Variants in TIAM2 observed in about 807,000 individuals in gnomAD.
The protein encoded by TIAM2 is rho guanine nucleotide exchange factor TIAM2.
Under a neutral mutation model 152.9 loss-of-function variants are expected in TIAM2, and 80 were observed. That is an observed-to-expected ratio of 0.52 (90% CI 0.44 to 0.63). TIAM2 has a LOEUF of 0.63. Among genes scored for constraint, TIAM2 ranks in the 30% least tolerant of loss-of-function variants. The pLI, the probability that TIAM2 is intolerant of heterozygous loss-of-function variation, is 0.00. For synonymous variants in TIAM2, 804 were observed against 838.0 expected, an observed-to-expected ratio of 0.96 and a Z score of 0.70; for missense variants, 1,965 against 2,120.1, an observed-to-expected ratio of 0.93 and a Z score of 1.44.
intron 7 of TIAM2, among the ~76,000 whole-genome samples, chr6:155,160,416 AC>A (rs1405026317): frequency 6.6e-6 from 1 of 152,164 alleles, no homozygotes; most frequent in Non-Finnish European, 1.5e-5. Flanking sequence ...TACTCAGTCT[AC>A]CCATTTAAAT....
chr6:155,152,800 G>T (rs976393335), intron 7 of TIAM2, among the ~76,000 whole-genome samples: 1 of 152,114 alleles, frequency 6.6e-6, no homozygotes. Context: ...CTCCTGGCCT[G>T]TTGTGTGTGT....
intron 9 of TIAM2, among the ~76,000 whole-genome samples, chr6:155,173,566 T>C (rs1406712020): frequency 1.3e-5 from 2 of 152,240 alleles, no homozygotes; most frequent in Admixed American, 1.3e-4. Flanking sequence ...TTGAGTAAGA[T>C]ACTGAAAACG....
chr6:155,218,265 A>G lies in TIAM2; in HGVS notation c.3168+6958A>G, dbSNP rs1781916783. Among the ~76,000 whole-genome samples, 1 of 152,214 alleles carries G rather than the reference A, an allele frequency of 6.6e-6. No homozygotes were observed. The highest frequency in any genetic ancestry group is 2.4e-5 in the African/African-American group (1 of 41,460). Reference sequence around the variant, plus strand: ...GTTATGTGACTAAATTCCTATTTTAATGCACGGAGAGATGGCCTCCTCAAG... The same window carrying G: ...GTTATGTGACTAAATTCCTATTTTAGTGCACGGAGAGATGGCCTCCTCAAG... On this transcript the variant is annotated intron_variant, in intron 15 of 26. Coordinates refer to ENST00000682666, the MANE Select transcript of TIAM2 (RefSeq NM_012454.4). The surrounding 1 kb of genome is among the most constrained non-coding windows in gnomAD (Gnocchi z 4.5).
chr6:155,090,866 A>G (rs1398799252), intron 2 of TIAM2, among the ~76,000 whole-genome samples: 2 of 152,132 alleles, frequency 1.3e-5, no homozygotes, highest in African/African-American at 4.8e-5. Flanking sequence ...GTCAGATTCC[A>G]ACTGTGACCT....
rs1355023789 is a variant in TIAM2 at position 155,029,422 on chromosome 6, TATACTATAGTATATATTATACTATAG to T, written c.-209+33931_-209+33956del. Reference sequence around the variant, plus strand: ...TATAGTATATATAATATATACTATATATACTATAGTATATATTATACTATAGTATATATTATATATAATATATACTA... The same window carrying T: ...TATAGTATATATAATATATACTATATTATATATTATATATAATATATACTA... On this transcript the variant is annotated intron_variant, in intron 1 of 26. Coordinates refer to ENST00000682666, the MANE Select transcript of TIAM2 (RefSeq NM_012454.4). Among the ~76,000 whole-genome samples, 4 of 77,414 alleles carry T rather than the reference TATACTATAGTATATATTATACTATAG, an allele frequency of 5.2e-5. 1 individual carries two copies. Among genetic ancestry groups the T allele is most frequent in the Admixed American group, 4.7e-4 (2 of 4,282 alleles). The allele number at this position is 77,414 out of a possible 152,430, so 50.8% of individuals were successfully genotyped here. A position where few individuals can be genotyped will look rare whatever the true frequency, so the allele number is the denominator to read the frequency against.
chr6:155,039,903 C>T (rs548802879), intron 1 of TIAM2, among the ~76,000 whole-genome samples: 3 of 152,302 alleles, frequency 2.0e-5, no homozygotes, highest in Non-Finnish European at 4.4e-5. Flanking sequence ...AGCTAGGAAG[C>T]GCCTAGGCAC....
intron 2 of TIAM2, among the ~76,000 whole-genome samples, chr6:155,098,017 G>GT (rs1314403055): frequency 2.6e-5 from 4 of 151,972 alleles, no homozygotes; most frequent in Non-Finnish European, 5.9e-5. Flanking sequence ...TGGTGTATGT[G>GT]TTTTTTTGTT....
In TIAM2 at chr6:155,185,123, C is replaced by CTTT. The variant is rs11404301; in HGVS notation, c.3064+1644_3064+1646dup. Reference sequence around the variant, plus strand: ...AAAGTAGAGAAAGGGGCAAATTTACCTTTTTTTTTTTTTTTTTTTTTTTGA... The same window carrying CTTT: ...AAAGTAGAGAAAGGGGCAAATTTACCTTTTTTTTTTTTTTTTTTTTTTTTTTGA... On this transcript the variant is annotated intron_variant, in intron 14 of 26. Coordinates refer to ENST00000682666, the MANE Select transcript of TIAM2 (RefSeq NM_012454.4). Among the ~76,000 whole-genome samples, 515 of 92,304 alleles carry CTTT rather than the reference C, an allele frequency of 5.6e-3. 5 individuals are homozygous for CTTT. Among genetic ancestry groups the CTTT allele is most frequent in the Middle Eastern group, 7.8e-3 (1 of 128 alleles). 60.6% of individuals were successfully genotyped at this position (92,304 alleles called of 152,430 possible).
chr6:155,046,176 C>T (rs536835086), intron 1 of TIAM2, among the ~76,000 whole-genome samples: 4 of 151,986 alleles, frequency 2.6e-5, no homozygotes, highest in Admixed American at 2.6e-4. Context: ...TTTATCTGCC[C>T]TCTCTTTTCT....
intron 1 of TIAM2, among the ~76,000 whole-genome samples, chr6:155,073,493 T>A (rs1028966134): frequency 6.6e-6 from 1 of 152,174 alleles, no homozygotes; most frequent in Admixed American, 6.5e-5. Flanking sequence ...TAGAAGGGCC[T>A]GCGTCCATAG....
intron 14 of TIAM2, among the ~76,000 whole-genome samples, chr6:155,202,767 A>G (rs1191794338): frequency 1.3e-5 from 2 of 151,346 alleles, no homozygotes; most frequent in Admixed American, 6.6e-5. Context: ...GCTGGGTGCC[A>G]TAGCTCACGC....
intron 1 of TIAM2, among the ~76,000 whole-genome samples, chr6:155,029,522 A>ATG (rs1396581516): frequency 7.9e-4 from 59 of 74,494 alleles, no homozygotes; most frequent in Middle Eastern, 0.015. Flanking sequence ...ACTATATATT[A>ATG]TAGTATAGAT....
intron 14 of TIAM2, among the ~76,000 whole-genome samples, chr6:155,195,830 T>G (rs1414185254): frequency 1.3e-5 from 2 of 152,162 alleles, no homozygotes; most frequent in Non-Finnish European, 2.9e-5. Flanking sequence ...GAGGGAACAA[T>G]CACATGTGCC....
intron 2 of TIAM2, among the ~76,000 whole-genome samples, chr6:155,100,373 TG>T (rs1778527641): frequency 6.6e-6 from 1 of 151,968 alleles, no homozygotes; most frequent in South Asian, 2.1e-4. Flanking sequence ...CGGAGAATGG[TG>T]GGGGATCTTT....
At chr6:155,180,932 T>C (rs1562344684) in intron 12 of TIAM2, among the ~76,000 whole-genome samples, 12 of 152,182 alleles carry the variant, frequency 7.9e-5, no homozygotes, top group Admixed American at 7.9e-4. Flanking sequence ...GGTTTTTCCT[T>C]TGAAGCCCTC....
intron 1 of TIAM2, among the ~76,000 whole-genome samples, chr6:155,061,960 G>A (rs1474308144): frequency 1.3e-5 from 2 of 152,194 alleles, no homozygotes; most frequent in African/African-American, 4.8e-5. Flanking sequence ...AAATTCCTTT[G>A]TGTAGTTCCC....
At chr6:155,093,310 G>A (rs1778343753) in intron 2 of TIAM2, among the ~76,000 whole-genome samples, 1 of 152,220 alleles carries the variant, frequency 6.6e-6, no homozygotes, top group African/African-American at 2.4e-5. Flanking sequence ...ATAATCCTGA[G>A]TGTCCTTCTG....
At chr6:155,000,392 G>A (rs1778292495) in intron 1 of TIAM2, among the ~76,000 whole-genome samples, 4 of 152,002 alleles carry the variant, frequency 2.6e-5, no homozygotes, top group Non-Finnish European at 4.4e-5. Flanking sequence ...ATTAGTGGGC[G>A]TGGTGGCACA....
chr6:155,122,662 T>A (rs1465107339), intron 2 of TIAM2, among the ~76,000 whole-genome samples: 1 of 152,160 alleles, frequency 6.6e-6, no homozygotes, highest in Non-Finnish European at 1.5e-5. Flanking sequence ...ACTATACACA[T>A]TCTTGGTGCC....
Sources: gnomAD v4.1 joint callset for allele counts (sites outside exome capture counted in the v4.1 genomes callset) on GRCh38, gnomAD v4.1.1 for gene constraint, Gnocchi (gnomAD v3.1) non-coding constraint, MANE v1.5 for transcripts, NCBI Gene and HGNC (gene_info 2026-07-23, HGNC 2026-07-21) for gene names.